PLD5: variants seen among roughly 807,000 people sequenced by gnomAD.
The protein encoded by PLD5 is inactive phospholipase D5.
PLD5 carries 36 observed loss-of-function variants against 61.1 expected under a neutral mutation model. The observed-to-expected ratio is 0.59, with a 90% CI of 0.45 to 0.78. The LOEUF (loss-of-function observed/expected upper bound fraction) is 0.78. PLD5 is among the 30% of genes least tolerant of loss of function. The probability of loss-of-function intolerance (pLI) is 0.00; values close to 1 mark genes in which losing one functional copy is unlikely to be tolerated. For missense variants in PLD5, 515 were observed against 644.4 expected (o/e 0.80, Z 2.17); for synonymous variants, 243 against 242.8 (o/e 1.00, Z -0.01).
chr1:242,222,142 T>C (rs1035657721), intron 4 of PLD5, among the ~76,000 whole-genome samples: 1 of 152,110 alleles, frequency 6.6e-6, no homozygotes, highest in Non-Finnish European at 1.5e-5. Flanking sequence ...ACCTCTATTT[T>C]CTCTTCTTAT....
At chr1:242,211,576 C>T (rs1558348978) in intron 5 of PLD5, among the ~76,000 whole-genome samples, 3 of 152,152 alleles carry the variant, frequency 2.0e-5, no homozygotes, top group South Asian at 2.1e-4. Context: ...CTGCTGGTGC[C>T]GGCCGCCCCC....
At chr1:242,455,493 G>A (rs545480344) in intron 1 of PLD5, among the ~76,000 whole-genome samples, 2 of 152,300 alleles carry the variant, frequency 1.3e-5, no homozygotes, top group East Asian at 3.9e-4. Context: ...ATTAACCTTT[G>A]ACCAAAGTCA....
intron 1 of PLD5, among the ~76,000 whole-genome samples, chr1:242,451,696 G>T (rs557677903): frequency 1.3e-5 from 2 of 152,130 alleles, no homozygotes; most frequent in Admixed American, 1.3e-4. Flanking sequence ...CTGAGCTCAG[G>T]TGATCCACCT....
chr1:242,338,078 A>G (rs1392600905), intron 2 of PLD5, among the ~76,000 whole-genome samples: 4 of 152,152 alleles, frequency 2.6e-5, no homozygotes, highest in African/African-American at 9.6e-5. Context: ...CTGAGGTCCT[A>G]TGAGTTCTTT....
At chr1:242,512,115 T>C (rs1558159657) in intron 1 of PLD5, among the ~76,000 whole-genome samples, 1 of 151,360 alleles carries the variant, frequency 6.6e-6, no homozygotes, top group Non-Finnish European at 1.5e-5. Context: ...CCTTTAAGAG[T>C]ATTTTGGTGG....
intron 2 of PLD5, among the ~76,000 whole-genome samples, chr1:242,312,803 G>A (rs1441077444): frequency 6.6e-6 from 1 of 152,148 alleles, no homozygotes; most frequent in Non-Finnish European, 1.5e-5. Context: ...GTGGGGCAAG[G>A]GTGAGTAAAA....
intron 1 of PLD5, among the ~76,000 whole-genome samples, chr1:242,411,173 T>G (rs537270018): frequency 1.3e-5 from 2 of 152,324 alleles, no homozygotes; most frequent in Admixed American, 6.5e-5. Context: ...AATTGATATA[T>G]GAGCTCACTC....
chr1:242,388,868 T>A (rs1662754863), intron 1 of PLD5, among the ~76,000 whole-genome samples: 1 of 151,954 alleles, frequency 6.6e-6, no homozygotes, highest in African/African-American at 2.4e-5. Context: ...AGGCAGAGAA[T>A]TGCTTGAACC....
intron 8 of PLD5, among the ~76,000 whole-genome samples, chr1:242,102,604 C>G (rs1386917643): frequency 1.3e-5 from 2 of 152,174 alleles, no homozygotes; most frequent in Admixed American, 6.5e-5. Context: ...GTGCCCACTC[C>G]TTTAAGGACA....
intron 3 of PLD5, among the ~76,000 whole-genome samples, chr1:242,270,468 T>A (rs1457305743): frequency 6.6e-6 from 1 of 152,202 alleles, no homozygotes; most frequent in Non-Finnish European, 1.5e-5. Flanking sequence ...TCTCTCTTCC[T>A]GATGCAACAC....
rs149787412 is a variant in PLD5, at chr1:242,199,605, C to T, written c.735+20383G>A. 1.2e-3 allele frequency among the ~76,000 whole-genome samples: 178 copies of T among 152,194 alleles called. 1 individual carries two copies. Among genetic ancestry groups the T allele is most frequent in the East Asian group, 1.9e-4 (1 of 5,162 alleles). Reference sequence around the variant, plus strand: ...GATTTATTGCACTGTGGTGAAATCACGGCCTTCAGTGTATCCACTGAAGGA... The same window carrying T: ...GATTTATTGCACTGTGGTGAAATCATGGCCTTCAGTGTATCCACTGAAGGA... On this transcript the variant is annotated intron_variant, in intron 5 of 9. Coordinates refer to ENST00000536534, the MANE Select transcript of PLD5 (RefSeq NM_001372062.1).
At chr1:242,521,305 A>G (rs1336713476) in intron 1 of PLD5, among the ~76,000 whole-genome samples, 1 of 152,200 alleles carries the variant, frequency 6.6e-6, no homozygotes, top group Non-Finnish European at 1.5e-5. Flanking sequence ...CAACCTGAGA[A>G]TTGGCCCAGC....
chr1:242,197,557 C>T (rs1668710819), intron 5 of PLD5, among the ~76,000 whole-genome samples: 1 of 152,122 alleles, frequency 6.6e-6, no homozygotes, highest in South Asian at 2.1e-4. Context: ...TCCATGAATC[C>T]TTCCAGCTTC....
In PLD5 at chr1:242,152,471, C is replaced by T. The variant is rs147557415; in HGVS notation, c.736-27806G>A. ...GGTGCACCCATCAACCTGACACCTA[C>T]ATTAGGTATTTCTCCTAATGCTATC... On this transcript the variant is annotated intron_variant, in intron 5 of 9. Coordinates refer to ENST00000536534, the MANE Select transcript of PLD5 (RefSeq NM_001372062.1). 1.1e-4 allele frequency among the ~76,000 whole-genome samples: 17 copies of T among 152,254 alleles called. No individual in the cohort carries two copies. In the East Asian group the frequency reaches 3.3e-3, roughly 29 times the overall value.
chr1:242,287,036 G>A (rs1284046141), intron 3 of PLD5, among the ~76,000 whole-genome samples: 1 of 152,038 alleles, frequency 6.6e-6, no homozygotes, highest in Non-Finnish European at 1.5e-5. Flanking sequence ...GACTTGAGAC[G>A]TGCTTCTACC....
chr1:242,186,213 C>A (rs961303337), intron 5 of PLD5, among the ~76,000 whole-genome samples: 3 of 151,462 alleles, frequency 2.0e-5, no homozygotes, highest in African/African-American at 7.3e-5. Context: ...GATGGAGTCT[C>A]ACTCTGTCAC....
intron 5 of PLD5, among the ~76,000 whole-genome samples, chr1:242,209,728 T>C (rs931580677): frequency 1.3e-5 from 2 of 152,212 alleles, no homozygotes; most frequent in African/African-American, 4.8e-5. Flanking sequence ...GGACAGTTGA[T>C]AAACCTACCA....
At chr1:242,158,253 G>T (rs1167470646) in intron 5 of PLD5, among the ~76,000 whole-genome samples, 1 of 152,172 alleles carries the variant, frequency 6.6e-6, no homozygotes, top group Non-Finnish European at 1.5e-5. Flanking sequence ...GGTTTTGTTG[G>T]TGTGGGACCC....
intron 1 of PLD5, among the ~76,000 whole-genome samples, chr1:242,367,432 C>A (rs1224560235): frequency 6.6e-6 from 1 of 152,162 alleles, no homozygotes; most frequent in Non-Finnish European, 1.5e-5. Context: ...TTTCCTCCTA[C>A]CCTGTCCTTC....
Sources: gnomAD v4.1 joint callset for allele counts (sites outside exome capture counted in the v4.1 genomes callset) on GRCh38, gnomAD v4.1.1 for gene constraint, MANE v1.5 for transcripts, NCBI Gene and HGNC (gene_info 2026-07-23, HGNC 2026-07-21) for gene names.